The following LCOR variants were observed in gnomAD, a reference collection of about 807,000 sequenced individuals.
LCOR encodes the protein ligand-dependent corepressor.
LCOR carries 14 observed loss-of-function variants against 64.4 expected under a neutral mutation model. The observed-to-expected ratio is 0.22, with a 90% CI of 0.14 to 0.34. The LOEUF (loss-of-function observed/expected upper bound fraction) is 0.34. Ranked by LOEUF, LCOR falls within the 10% of genes least tolerant of loss-of-function variation. The pLI, the probability that LCOR is intolerant of heterozygous loss-of-function variation, is 1.00. For synonymous variants in LCOR, 643 were observed against 642.5 expected, an observed-to-expected ratio of 1.00 and a Z score of -0.01; for missense variants, 1,686 against 1,765.3, an observed-to-expected ratio of 0.96 and a Z score of 0.80.
Position 96,984,197 on chromosome 10 carries a change from C to T in LCOR, c.3737C>T (p.Thr1246Ile). 1.2e-6 allele frequency: 2 copies of T among 1,614,092 alleles called. No homozygotes were observed. The highest frequency in any genetic ancestry group is 1.7e-6 in the Non-Finnish European group (2 of 1,180,000). Reference protein sequence around the residue: ...KKHLKKFPGATPAKNNWKMQK... With the variant: ...KKHLKKFPGAIPAKNNWKMQK... ...CACTTGAAGAAATTTCCTGGAGCTA[C>T]CCCTGCTAAGAATAATTGGAAAATG... is the stretch of plus-strand genomic sequence containing the variant. The change falls in exon 8 of 8, where the codon ACC (threonine) becomes ATC (isoleucine). Residue 1246 changes from threonine to isoleucine, a missense_variant. By Grantham distance (89) the Thr-to-Ile change is moderately conservative (BLOSUM62 -1). Coordinates refer to ENST00000421806, the MANE Select transcript of LCOR (RefSeq NM_001346516.2).
Position 96,842,969 on chromosome 10 carries a change from A to T in LCOR, c.-330+9490A>T, listed in dbSNP as rs117781903. 1.5e-3 allele frequency among the ~76,000 whole-genome samples: 224 copies of T among 152,246 alleles called. 1 individual carries two copies. Among genetic ancestry groups the T allele is most frequent in the Non-Finnish European group, 2.0e-3 (138 of 68,014 alleles). On this transcript the variant is annotated intron_variant, in intron 2 of 7. Coordinates refer to ENST00000421806, the MANE Select transcript of LCOR (RefSeq NM_001346516.2). The stretch of plus-strand genomic sequence containing the variant: ...AATTTTTGAAATAAGTATACATTGT[A>T]TGTAGAGGAAGCGAATGTTGAATTT...
intron 4 of LCOR, among the ~76,000 whole-genome samples, chr10:96,929,107 A>G (rs1847214704): frequency 6.6e-6 from 1 of 152,232 alleles, no homozygotes. Context: ...AATTTGGGGA[A>G]TCGTAAATGA....
At chr10:96,832,600 G>A (rs2134351547) in intron 1 of LCOR, among the ~76,000 whole-genome samples, 2 of 140,422 alleles carry the variant, frequency 1.4e-5, no homozygotes, top group South Asian at 4.8e-4. Context: ...CCGAGCGCGC[G>A]CCGGCCCCTC....
chr10:96,866,111 A>G (rs1472268572), intron 2 of LCOR, among the ~76,000 whole-genome samples: 1 of 152,164 alleles, frequency 6.6e-6, no homozygotes, highest in African/African-American at 2.4e-5. Flanking sequence ...TTAACAGTTC[A>G]TTCCTTTTTT....
In LCOR at chr10:96,983,794, G is replaced by A. The variant is rs765812384; in HGVS notation, c.3334G>A (p.Ala1112Thr). Residue 1112 changes from alanine to threonine, a missense_variant, in exon 8 of 8, where the codon GCC becomes ACC. By Grantham distance (58) the Ala-to-Thr change is moderately conservative (BLOSUM62 0). Coordinates refer to ENST00000421806, the MANE Select transcript of LCOR (RefSeq NM_001346516.2). This position sits in a 1 kb window ranked among gnomAD's most constrained non-coding sequence, Gnocchi z 4.5. Reference protein sequence around the residue: ...CAEEENQELIANFNAQYMKVQ... With the variant: ...CAEEENQELITNFNAQYMKVQ... ...TGAGGAGGAGAACCAAGAGCTCATC[G>A]CCAACTTCAATGCCCAGTACATGAA... is the stretch of plus-strand genomic sequence containing the variant. 44 of 1,614,008 alleles carry A rather than the reference G, an allele frequency of 2.7e-5. No homozygotes were observed. In the East Asian group the frequency reaches 5.6e-4, roughly 20 times the overall value.
intron 2 of LCOR, among the ~76,000 whole-genome samples, chr10:96,864,335 T>C (rs982345839): frequency 2.0e-5 from 3 of 152,194 alleles, no homozygotes; most frequent in Non-Finnish European, 2.9e-5. Context: ...AATAAAGGTG[T>C]ATTGACTTTC....
intron 2 of LCOR, among the ~76,000 whole-genome samples, chr10:96,857,896 C>T (rs1361968851): frequency 6.6e-6 from 1 of 152,160 alleles, no homozygotes; most frequent in African/African-American, 2.4e-5. Flanking sequence ...CTATACCCTG[C>T]CCAGTCCCTA....
At chr10:96,927,659 A>G (rs186689999) in intron 4 of LCOR, among the ~76,000 whole-genome samples, 262 of 152,232 alleles carry the variant, frequency 1.7e-3, no homozygotes, top group Non-Finnish European at 2.3e-3. Flanking sequence ...GTAGGAGTTG[A>G]GGTTTTATAT....
chr10:96,951,583 G>GTATA (rs1564635956), intron 6 of LCOR, among the ~76,000 whole-genome samples: 33 of 152,094 alleles, frequency 2.2e-4, no homozygotes, highest in Admixed American at 8.5e-4. Flanking sequence ...GTATATACAT[G>GTATA]TACTTTAATG....
chr10:96,929,459 C>T (rs1436060338), intron 4 of LCOR, among the ~76,000 whole-genome samples: 1 of 152,258 alleles, frequency 6.6e-6, no homozygotes, highest in Non-Finnish European at 1.5e-5. Flanking sequence ...GCAGCTTCCT[C>T]ACCTCTCAGC....
chr10:96,845,869 T>G (rs919413318), intron 2 of LCOR, among the ~76,000 whole-genome samples: 2 of 152,088 alleles, frequency 1.3e-5, no homozygotes, highest in Non-Finnish European at 1.5e-5. Flanking sequence ...TTTACACTGG[T>G]CATTTTTCTA....
intron 7 of LCOR, chr10:96,955,950 C>T (rs1322882005): frequency 1.9e-6 from 3 of 1,591,956 alleles, no homozygotes; most frequent in Non-Finnish European, 2.6e-6. Flanking sequence ...AATTACTGTA[C>T]AAACTGGGTG....
At chr10:96,907,100 C>T (rs1165970156) in intron 2 of LCOR, among the ~76,000 whole-genome samples, 165 bp from the exon 3 acceptor site, 2 of 152,050 alleles carry the variant, frequency 1.3e-5, no homozygotes, top group East Asian at 1.9e-4. Context: ...TGCAAATGCT[C>T]CTTTTAGATT....
At chr10:96,904,239 GGA>G (rs2134449682) in intron 2 of LCOR, among the ~76,000 whole-genome samples, 1 of 152,276 alleles carries the variant, frequency 6.6e-6, no homozygotes, top group Admixed American at 6.5e-5. Context: ...TTATCTTGAA[GGA>G]GAGAGATACT....
intron 4 of LCOR, among the ~76,000 whole-genome samples, chr10:96,940,558 A>G (rs1158847668): frequency 9.3e-6 from 1 of 107,712 alleles, no homozygotes; most frequent in African/African-American, 3.6e-5. Context: ...TTAACAAAGC[A>G]CATCTTGCAC....
Position 96,988,100 on chromosome 10 carries a change from G to T in LCOR, c.*2966G>T, listed in dbSNP as rs1848164249. On this transcript the variant is annotated 3_prime_UTR_variant, in exon 8 of 8. Coordinates refer to ENST00000421806, the MANE Select transcript of LCOR (RefSeq NM_001346516.2). ...AAGCAATCACTGAAGCTCTGCCATAGCTCCCGTAGAGGAGGGCCCTCTTCA... is the reference window on the plus strand; with the variant it reads ...AAGCAATCACTGAAGCTCTGCCATATCTCCCGTAGAGGAGGGCCCTCTTCA... 6.6e-6 allele frequency: 1 copy of T among 152,236 alleles called. No individual in the cohort carries two copies. Among genetic ancestry groups the T allele is most frequent in the African/African-American group, 2.4e-5 (1 of 41,454 alleles). 9.4% of individuals were successfully genotyped at this position (152,236 alleles called of 1,614,324 possible).
At chr10:96,952,707 C>A (rs1847702184) in intron 7 of LCOR, among the ~76,000 whole-genome samples, 1 of 152,062 alleles carries the variant, frequency 6.6e-6, no homozygotes, top group Admixed American at 6.5e-5. Flanking sequence ...TCTTAGGCTA[C>A]CAAGACATTA....
intron 2 of LCOR, among the ~76,000 whole-genome samples, chr10:96,865,647 G>T (rs1254406724): frequency 1.3e-5 from 2 of 152,110 alleles, no homozygotes; most frequent in Admixed American, 1.3e-4. Context: ...GGCTGAGGTG[G>T]GCGGATCACC....
intron 7 of LCOR, among the ~76,000 whole-genome samples, chr10:96,973,495 C>T (rs896318844): frequency 6.6e-6 from 1 of 152,174 alleles, no homozygotes; most frequent in African/African-American, 2.4e-5. Flanking sequence ...TCAGGCCCTC[C>T]TGACTATACT....
Sources: gnomAD v4.1 joint callset for allele counts (sites outside exome capture counted in the v4.1 genomes callset) on GRCh38, gnomAD v4.1.1 for gene constraint, Gnocchi (gnomAD v3.1) non-coding constraint, MANE v1.5 for transcripts, NCBI Gene and HGNC (gene_info 2026-07-23, HGNC 2026-07-21) for gene names.